VDAC1: variants seen among roughly 807,000 people sequenced by gnomAD.
VDAC1 encodes voltage dependent anion channel 1, also known as non-selective voltage-gated ion channel VDAC1.
In VDAC1, 10 loss-of-function variants were observed where a neutral mutation model predicts 34.7. That is an observed-to-expected ratio of 0.29 (90% CI 0.18 to 0.49). The LOEUF (loss-of-function observed/expected upper bound fraction) is 0.49, where lower values mean the gene tolerates loss of function less well. VDAC1 is among the 20% of genes least tolerant of loss of function. VDAC1 has a pLI of 0.99. For synonymous variants in VDAC1, 130 were observed against 136.0 expected, an observed-to-expected ratio of 0.96 and a Z score of 0.30; for missense variants, 230 against 347.9, an observed-to-expected ratio of 0.66 and a Z score of 2.69.
chr5:134,074,305 AAAAT>A, the VDAC1 span, among the ~76,000 whole-genome samples: 75,078 of 136,392 alleles, frequency 0.55, 21,566 homozygotes, highest in African/African-American at 0.72. Context: ...ACTCCATCTC[AAAAT>A]AAATAAATAA....
chr5:133,975,172 G>A (rs533826714), intron 7 of VDAC1, among the ~76,000 whole-genome samples: 56 of 152,228 alleles, frequency 3.7e-4, no homozygotes, highest in Non-Finnish European at 7.4e-5. Context: ...GGAGGCTGAG[G>A]TGGCAGGATT....
At chr5:134,042,815 G>A in the VDAC1 span, among the ~76,000 whole-genome samples, 1 of 152,178 alleles carries the variant, frequency 6.6e-6, no homozygotes, top group East Asian at 1.9e-4. Flanking sequence ...AGTTCGGCCA[G>A]GCACCATCTT....
At chr5:134,035,655 A>G in the VDAC1 span, among the ~76,000 whole-genome samples, 1 of 152,340 alleles carries the variant, frequency 6.6e-6, no homozygotes, top group Admixed American at 6.5e-5. Context: ...GAGAAGGGAC[A>G]GCTCTTCCTT....
the VDAC1 span, among the ~76,000 whole-genome samples, chr5:134,026,244 A>G: frequency 3.3e-5 from 5 of 152,312 alleles, no homozygotes; most frequent in Admixed American, 2.6e-4. Flanking sequence ...GTGGTGGCTC[A>G]CGCCTGTAAT....
intron 6 of VDAC1, 36 bp from the exon 7 acceptor site, chr5:133,976,057 A>G: frequency 1.2e-6 from 2 of 1,613,360 alleles, no homozygotes; most frequent in Non-Finnish European, 1.7e-6. Flanking sequence ...TGAGCTTCCC[A>G]GGGAGGTGAG....
the VDAC1 span, among the ~76,000 whole-genome samples, chr5:134,036,659 TA>T: frequency 6.7e-6 from 1 of 149,350 alleles, no homozygotes; most frequent in Non-Finnish European, 1.5e-5. Flanking sequence ...CTGTCTTTTT[TA>T]AAAAAAAAAA....
chr5:134,039,517 AC>A, the VDAC1 span, among the ~76,000 whole-genome samples: 454 of 75,558 alleles, frequency 6.0e-3, no homozygotes, highest in South Asian at 0.02. Flanking sequence ...TTTAGTAGAG[AC>A]GGGGGTTTCA....
At chr5:134,081,196 C>T in the VDAC1 span, among the ~76,000 whole-genome samples, 1 of 152,210 alleles carries the variant, frequency 6.6e-6, no homozygotes, top group Non-Finnish European at 1.5e-5. Context: ...CGCCACCAAA[C>T]ACGGCTAATT....
chr5:134,063,764 G>C, the VDAC1 span, among the ~76,000 whole-genome samples: 2 of 152,158 alleles, frequency 1.3e-5, no homozygotes, highest in South Asian at 4.1e-4. Context: ...GATGTGCCTG[G>C]CCTGAACTGC....
the VDAC1 span, among the ~76,000 whole-genome samples, chr5:134,101,185 C>A: frequency 1.3e-5 from 2 of 152,358 alleles, no homozygotes; most frequent in East Asian, 3.8e-4. Context: ...CCTCAAGGGA[C>A]CAGCATGGCT....
Position 133,990,844 on chromosome 5 carries a change from G to A in VDAC1, c.323+11C>T, listed in dbSNP as rs1423103606. On this transcript the variant is annotated intron_variant, in intron 5 of 8. Coordinates refer to ENST00000265333, the MANE Select transcript of VDAC1 (RefSeq NM_003374.3). ...GAACATCCTTGTGGAGAAAACAGAT[G>A]AAACTCTTACCCAGTGTTAGGTGAG... is the stretch of plus-strand genomic sequence containing the variant. 6.5e-7 allele frequency: 1 copy of A among 1,530,604 alleles called. No homozygotes were observed. Among genetic ancestry groups the A allele is most frequent in the South Asian group, 1.3e-5 (1 of 76,460 alleles). The allele number at this position is 1,530,604 out of a possible 1,614,324, so 94.8% of individuals were successfully genotyped here.
rs1753164454 is a variant in VDAC1 at position 133,993,006 on chromosome 5, C to G, written c.7G>C (p.Val3Leu). 6.2e-7 allele frequency: 1 copy of G among 1,612,722 alleles called. No individual in the cohort carries two copies. Among genetic ancestry groups the G allele is most frequent in the Non-Finnish European group, 8.5e-7 (1 of 1,179,348 alleles). The change falls in exon 2 of 9, where the codon GTG becomes CTG. Residue 3 changes from valine (V) to leucine (L), a missense_variant. Val to Leu is a conservative substitution (Grantham distance 32). Transcript: ENST00000265333. ...CCAAGATCGGCATACGTGGGTGGCACAGCCATCTTCTGCTATGATAAAAGA... is the reference window on the plus strand; with the variant it reads ...CCAAGATCGGCATACGTGGGTGGCAGAGCCATCTTCTGCTATGATAAAAGA... MA[V>L]PPTYADLGKS... is the part of the protein sequence containing the mutation.
chr5:134,042,348 G>A, the VDAC1 span, among the ~76,000 whole-genome samples: 902 of 152,186 alleles, frequency 5.9e-3, 7 homozygotes, highest in African/African-American at 0.02. Flanking sequence ...TGGACCTCAC[G>A]GCCCCCACCC....
the VDAC1 span, among the ~76,000 whole-genome samples, chr5:134,024,415 G>C: frequency 2.0e-5 from 3 of 151,148 alleles, no homozygotes; most frequent in African/African-American, 7.3e-5. Context: ...TGTAGTCCCA[G>C]CTACTTGGGA....
At chr5:134,071,712 C>G in the VDAC1 span, among the ~76,000 whole-genome samples, 1 of 152,334 alleles carries the variant, frequency 6.6e-6, no homozygotes, top group East Asian at 1.9e-4. The surrounding 1 kb of genome is among the most constrained non-coding windows in gnomAD (Gnocchi z 4.1). Context: ...GCCCCCACCC[C>G]CACCCAGTTC....
chr5:134,006,190 T>C (rs1420719480), upstream of VDAC1, among the ~76,000 whole-genome samples: 1 of 152,012 alleles, frequency 6.6e-6, no homozygotes, highest in African/African-American at 2.4e-5. Flanking sequence ...CTGAGGAGTG[T>C]AGGACGGATT....
chr5:134,085,368 C>T, the VDAC1 span, among the ~76,000 whole-genome samples: 3,017 of 151,816 alleles, frequency 0.02, 82 homozygotes, highest in African/African-American at 0.068. Context: ...GCGTGTGGCC[C>T]GAGATGATCC....
chr5:134,067,163 C>A, the VDAC1 span, among the ~76,000 whole-genome samples: 1 of 150,918 alleles, frequency 6.6e-6, no homozygotes, highest in Non-Finnish European at 1.5e-5. Context: ...GCAACCTCTG[C>A]CTTCTGGGTT....
the VDAC1 span, among the ~76,000 whole-genome samples, chr5:134,053,452 G>C: frequency 2.0e-5 from 3 of 152,210 alleles, no homozygotes; most frequent in Non-Finnish European, 4.4e-5. Flanking sequence ...TCATTGTCTA[G>C]GGCTCCTGTG....
Sources: gnomAD v4.1 joint callset for allele counts (sites outside exome capture counted in the v4.1 genomes callset) on GRCh38, gnomAD v4.1.1 for gene constraint, Gnocchi (gnomAD v3.1) non-coding constraint, MANE v1.5 for transcripts, NCBI Gene and HGNC (gene_info 2026-07-23, HGNC 2026-07-21) for gene names.